BFSP2: variants seen among roughly 807,000 people sequenced by gnomAD.
BFSP2 encodes beaded filament structural protein 2.
In BFSP2, 38 loss-of-function variants were observed where a neutral mutation model predicts 44.9. The observed-to-expected ratio is 0.85, with a 90% CI of 0.65 to 1.11. BFSP2 has a LOEUF of 1.11. Among genes scored for constraint, BFSP2 ranks in the 50% least tolerant of loss-of-function variants. The pLI, the probability that BFSP2 is intolerant of heterozygous loss-of-function variation, is 0.00. For synonymous variants in BFSP2, 197 were observed against 209.9 expected (o/e 0.94, Z 0.53); for missense variants, 525 against 533.0 (o/e 0.99, Z 0.15).
chr3:133,438,278 G>A (rs2073810241), intron 1 of BFSP2, among the ~76,000 whole-genome samples: 1 of 152,242 alleles, frequency 6.6e-6, no homozygotes, highest in African/African-American at 2.4e-5. Flanking sequence ...TTTAATCCCA[G>A]CACTTTGGGA....
chr3:133,430,665 C>T lies in BFSP2; in HGVS notation c.490-16652C>T, dbSNP rs1209355584. Among the ~76,000 whole-genome samples, 12 of 152,244 alleles carry T rather than the reference C, an allele frequency of 7.9e-5. No homozygotes were observed. The East Asian group carries it at 1.3e-3, about 17-fold the overall frequency. The stretch of plus-strand genomic sequence containing the variant: ...GACGTCCAGGCATTCTTTTACGCAT[C>T]GGTCCCTCTCTAGTCTCTGTTCCCA... On this transcript the variant is annotated intron_variant, in intron 1 of 6. Transcript: ENST00000302334.
intron 6 of BFSP2, 120 bp from the exon 7 acceptor site, chr3:133,474,849 C>A: frequency 5.1e-6 from 7 of 1,361,792 alleles, no homozygotes; most frequent in Non-Finnish European, 7.4e-6. Context: ...AAACCCAAAA[C>A]TATCTTGTTC....
intron 6 of BFSP2, 97 bp downstream of exon 6, chr3:133,472,662 T>C: frequency 1.4e-6 from 2 of 1,471,122 alleles, no homozygotes; most frequent in South Asian, 2.4e-5. Context: ...TAAGAAGAAA[T>C]CACCCCAGAC....
intron 1 of BFSP2, among the ~76,000 whole-genome samples, chr3:133,420,150 C>T (rs562810506): frequency 3.9e-5 from 6 of 152,252 alleles, no homozygotes; most frequent in African/African-American, 9.6e-5. Flanking sequence ...ATTAGCATGC[C>T]GCAGCAACAG....
In BFSP2 at chr3:133,431,063, C is replaced by T. The variant is rs569116141; in HGVS notation, c.490-16254C>T. ...GCTCTTTTTCATCAAATATAAAAAA[C>T]CCAGCCCAGTTCATGGTTCGTTCGG... On this transcript the variant is annotated intron_variant, in intron 1 of 6. Transcript: ENST00000302334. Among the ~76,000 whole-genome samples the T allele has an allele frequency of 8.4e-5, 9 of 107,324 alleles. No homozygotes were observed. In the Admixed American group the frequency reaches 9.2e-4, roughly 11 times the overall value. 70.4% of individuals were successfully genotyped at this position (107,324 alleles called of 152,430 possible). A position where few individuals can be genotyped will look rare whatever the true frequency, so the allele number is the denominator to read the frequency against.
At chr3:133,433,348 TA>T (rs1356299312) in intron 1 of BFSP2, among the ~76,000 whole-genome samples, 1 of 152,216 alleles carries the variant, frequency 6.6e-6, no homozygotes, top group Non-Finnish European at 1.5e-5. Flanking sequence ...GCCTGCCTCT[TA>T]AGAACCTCTC....
At chr3:133,411,535 A>G (rs1389406587) in intron 1 of BFSP2, among the ~76,000 whole-genome samples, 1 of 152,106 alleles carries the variant, frequency 6.6e-6, no homozygotes, top group Admixed American at 6.5e-5. Flanking sequence ...AGTCTTGCAA[A>G]CAAACAAAAA....
chr3:133,430,678 GTC>G (rs1335854322), intron 1 of BFSP2, among the ~76,000 whole-genome samples: 1 of 152,080 alleles, frequency 6.6e-6, no homozygotes, highest in Non-Finnish European at 1.5e-5. Context: ...TCCCTCTCTA[GTC>G]TCTGTTCCCA....
chr3:133,448,963 T>G (rs2073930548), intron 3 of BFSP2: 2 of 296,870 alleles, frequency 6.7e-6, no homozygotes, highest in African/African-American at 3.3e-5. Flanking sequence ...CTATGTCAGG[T>G]TTTTTTTTCA....
chr3:133,418,270 C>T (rs2073563341), intron 1 of BFSP2, among the ~76,000 whole-genome samples: 1 of 152,122 alleles, frequency 6.6e-6, no homozygotes, highest in Non-Finnish European at 1.5e-5. Context: ...TCTTCATTCC[C>T]ACCCCCCAGG....
At chr3:133,437,877 G>A (rs2107912754) in intron 1 of BFSP2, among the ~76,000 whole-genome samples, 1 of 152,318 alleles carries the variant, frequency 6.6e-6, no homozygotes, top group East Asian at 1.9e-4. Flanking sequence ...CCCGCCCATA[G>A]CTTCTGACAG....
chr3:133,466,616 G>A lies in BFSP2; in HGVS notation c.892-212G>A, dbSNP rs561931952. Among the ~76,000 whole-genome samples the A allele has an allele frequency of 2.2e-5, 3 of 133,858 alleles. No individual in the cohort carries two copies. In the South Asian group the frequency reaches 7.4e-4, roughly 33 times the overall value. 87.8% of individuals were successfully genotyped at this position (133,858 alleles called of 152,430 possible). A position where few individuals can be genotyped will look rare whatever the true frequency, so the allele number is the denominator to read the frequency against. The stretch of plus-strand genomic sequence containing the variant: ...CTTGAACCCAGGAGGAGGAAGTTGT[G>A]GTGAGCTGAGATCGCACCACTGCAC... On this transcript the variant is annotated intron_variant, in intron 4 of 6. Transcript: ENST00000302334.
intron 1 of BFSP2, among the ~76,000 whole-genome samples, chr3:133,403,361 C>T (rs919558893): frequency 6.6e-6 from 1 of 152,184 alleles, no homozygotes; most frequent in African/African-American, 2.4e-5. Context: ...TGCCTCTTCC[C>T]CCCCTTGTCC....
At chr3:133,450,971 C>T (rs551049464) in intron 4 of BFSP2, among the ~76,000 whole-genome samples, 38 of 152,034 alleles carry the variant, frequency 2.5e-4, no homozygotes, top group Middle Eastern at 3.4e-3. Context: ...ATTAGCCGGA[C>T]GCATTGGCAG....
rs1431755052 is a variant in BFSP2 at position 133,448,654 on chromosome 3, G to T, written c.729+9G>T. ...CAAGAAACTATGAAGAGGTAGGAGGGGGCTGGGGTTGCTGGGTTGGCCACA... is the reference window on the plus strand; with the variant it reads ...CAAGAAACTATGAAGAGGTAGGAGGTGGCTGGGGTTGCTGGGTTGGCCACA... On this transcript the variant is annotated intron_variant, in intron 3 of 6. Transcript: ENST00000302334. 1.9e-6 allele frequency: 3 copies of T among 1,613,276 alleles called. No homozygotes were observed. The East Asian group carries it at 6.7e-5, about 36-fold the overall frequency.
chr3:133,424,144 C>T (rs1249632991), intron 1 of BFSP2, among the ~76,000 whole-genome samples: 1 of 150,782 alleles, frequency 6.6e-6, no homozygotes, highest in Non-Finnish European at 1.5e-5. Flanking sequence ...CTCCGCCGCC[C>T]GGGTTCAAGC....
At chr3:133,459,322 C>T (rs2074041435) in intron 4 of BFSP2, among the ~76,000 whole-genome samples, 1 of 152,166 alleles carries the variant, frequency 6.6e-6, no homozygotes. Context: ...CCAGCCTGGG[C>T]AACAGGGTGA....
intron 1 of BFSP2, among the ~76,000 whole-genome samples, chr3:133,424,063 G>C (rs2073619205): frequency 6.6e-6 from 1 of 151,638 alleles, no homozygotes; most frequent in South Asian, 2.1e-4. Context: ...GGGGGCGGGG[G>C]CGGCGGGGAA....
intron 1 of BFSP2, among the ~76,000 whole-genome samples, chr3:133,414,750 A>G (rs560335850): frequency 4.3e-5 from 2 of 46,550 alleles, no homozygotes; most frequent in African/African-American, 2.0e-4. Flanking sequence ...TTTCCCCTCT[A>G]CTCACCCCTA....
Sources: gnomAD v4.1 joint callset for allele counts (sites outside exome capture counted in the v4.1 genomes callset) on GRCh38, gnomAD v4.1.1 for gene constraint, MANE v1.5 for transcripts, NCBI Gene and HGNC (gene_info 2026-07-23, HGNC 2026-07-21) for gene names.